XPA: variants seen among roughly 807,000 people sequenced by gnomAD.
XPA encodes the protein DNA repair protein complementing XP-A cells.
Under a neutral mutation model 35.7 loss-of-function variants are expected in XPA, and 27 were observed. That is an observed-to-expected ratio of 0.76 (90% confidence interval 0.56 to 1.04). The LOEUF (loss-of-function observed/expected upper bound fraction) is 1.04, where lower values mean the gene tolerates loss of function less well. Among genes scored for constraint, XPA ranks in the 50% least tolerant of loss-of-function variants. The pLI is 0.00. For missense variants in XPA, 354 were observed against 342.7 expected (o/e 1.03, Z -0.26); for synonymous variants, 133 against 118.4 (o/e 1.12, Z -0.80).
rs777449731 is a variant in XPA at position 97,697,205 on chromosome 9, G to A, written c.88C>T (p.Arg30Trp). Residue 30 changes from arginine to tryptophan, a missense_variant, in exon 1 of 6, where the codon CGG becomes TGG. Transcript: ENST00000375128. Reference sequence around the variant, plus strand: ...AGCATCAGTGCCCGCTGCCGCTTCCGCTCGATACTCGCCCGCACCGAGGCA... The same window carrying A: ...AGCATCAGTGCCCGCTGCCGCTTCCACTCGATACTCGCCCGCACCGAGGCA... ...LPASVRASIE[R>W]KRQRALMLRQ... 11 of 1,600,508 alleles carry A rather than the reference G, an allele frequency of 6.9e-6. No homozygotes were observed. The highest frequency in any genetic ancestry group is 8.5e-6 in the Non-Finnish European group (10 of 1,178,194).
chr9:97,676,373 G>A (rs780964710), intron 5 of XPA, among the ~76,000 whole-genome samples: 8 of 152,154 alleles, frequency 5.3e-5, no homozygotes, highest in Non-Finnish European at 1.2e-4. Flanking sequence ...TTCTTTGAAA[G>A]CAACCAAGTA....
At chr9:97,657,930 T>A in the XPA span, among the ~76,000 whole-genome samples, 1,987 of 123,174 alleles carry the variant, frequency 0.016, 22 homozygotes, top group African/African-American at 0.056. Flanking sequence ...ATATATATTT[T>A]TTTTTTTTTT....
chr9:97,690,107 T>G (rs1410268463), intron 2 of XPA, among the ~76,000 whole-genome samples: 2 of 152,250 alleles, frequency 1.3e-5, no homozygotes, highest in African/African-American at 4.8e-5. Flanking sequence ...CCTTGACTCA[T>G]GACCCCTTCC....
chr9:97,655,124 C>G, the XPA span, among the ~76,000 whole-genome samples: 1 of 152,122 alleles, frequency 6.6e-6, no homozygotes, highest in African/African-American at 2.4e-5. Flanking sequence ...TTTTGATGTC[C>G]ATGCTATGAT....
At chr9:97,659,996 C>A in the XPA span, among the ~76,000 whole-genome samples, 1 of 152,198 alleles carries the variant, frequency 6.6e-6, no homozygotes, top group Admixed American at 6.5e-5. Context: ...TTCCTTTTCT[C>A]CTTCTAGATT....
chr9:97,659,693 GA>G, the XPA span, among the ~76,000 whole-genome samples: 1 of 152,168 alleles, frequency 6.6e-6, no homozygotes, highest in Non-Finnish European at 1.5e-5. Context: ...GCAGTACTTA[GA>G]AGTGCTGGGT....
chr9:97,682,227 GCTT>G (rs768608373), intron 5 of XPA: 6 of 509,936 alleles, frequency 1.2e-5, no homozygotes, highest in Admixed American at 4.0e-5. Context: ...AACTGTGTCA[GCTT>G]CTTTGTGGAT....
chr9:97,675,247 C>A lies in XPA; in HGVS notation c.*192G>T. Reference sequence around the variant, plus strand: ...ACAGACATGACATTGTGCACACAACCAGGCCAGGTGACCTTCACTGAAACT... The same window carrying A: ...ACAGACATGACATTGTGCACACAACAAGGCCAGGTGACCTTCACTGAAACT... On this transcript the variant is annotated 3_prime_UTR_variant, in exon 6 of 6. Transcript: ENST00000375128. The A allele has an allele frequency of 1.4e-6, 1 of 706,710 alleles. No individual in the cohort carries two copies. Among genetic ancestry groups the A allele is most frequent in the Non-Finnish European group, 2.5e-6 (1 of 402,512 alleles). 43.8% of individuals were successfully genotyped at this position (706,710 alleles called of 1,614,324 possible).
the XPA span, chr9:97,662,085 A>G: frequency 3.2e-5 from 52 of 1,613,860 alleles, no homozygotes; most frequent in South Asian, 5.5e-4. Flanking sequence ...AAGTCTTTGT[A>G]CAGACTCTGC....
At chr9:97,660,160 T>C in the XPA span, among the ~76,000 whole-genome samples, 1 of 152,226 alleles carries the variant, frequency 6.6e-6, no homozygotes, top group South Asian at 2.1e-4. Context: ...TTCTTTTTTT[T>C]AGAGAAAAAG....
chr9:97,694,545 C>T (rs868812444), intron 1 of XPA, among the ~76,000 whole-genome samples: 2 of 152,128 alleles, frequency 1.3e-5, no homozygotes, highest in Non-Finnish European at 2.9e-5. Flanking sequence ...TAGGAAAATA[C>T]AAATTAAAAC....
At chr9:97,683,636 T>A (rs1828614295) in intron 5 of XPA, among the ~76,000 whole-genome samples, 1 of 152,106 alleles carries the variant, frequency 6.6e-6, no homozygotes. Context: ...GAGCAAAAAT[T>A]AAAATGTTGC....
downstream of XPA, chr9:97,671,458 T>C: frequency 2.8e-6 from 1 of 352,808 alleles, no homozygotes; most frequent in South Asian, 3.8e-5. Flanking sequence ...CAGTTTGTTA[T>C]TTTTTTTCTC....
chr9:97,694,979 G>A (rs191303724), intron 1 of XPA, among the ~76,000 whole-genome samples: 8 of 152,124 alleles, frequency 5.3e-5, no homozygotes, highest in Admixed American at 3.9e-4. Flanking sequence ...ACTATGTTGC[G>A]CAAAAAAAGC....
chr9:97,697,159 G>T lies in XPA; in HGVS notation c.134C>A (p.Ala45Asp), dbSNP rs1438104861. 2 of 1,572,064 alleles carry T rather than the reference G, an allele frequency of 1.3e-6. No individual in the cohort carries two copies. Among genetic ancestry groups the T allele is most frequent in the East Asian group, 2.3e-5 (1 of 42,944 alleles). Residue 45 changes from alanine to aspartate, a missense_variant, in exon 1 of 6, where the codon GCC becomes GAC. Transcript: ENST00000375128. ...ALMLRQARLA[A>D]RPYSATAAAA... ...AGCCGCCGTCGCCGAGTAGGGCCGG[G>T]CAGCCAGCCGGGCCTGGCGCAGCAT...
chr9:97,656,219 T>C, the XPA span: 1 of 755,202 alleles, frequency 1.3e-6, no homozygotes, highest in Non-Finnish European at 2.1e-6. Flanking sequence ...TAATCAAGAC[T>C]TAGGCTAAGA....
At chr9:97,693,461 T>A (rs1019004275) in intron 2 of XPA, among the ~76,000 whole-genome samples, 188 bp downstream of exon 2, 2 of 152,198 alleles carry the variant, frequency 1.3e-5, no homozygotes, top group Non-Finnish European at 2.9e-5. Flanking sequence ...CATTTCCATA[T>A]GCATGGCTGT....
chr9:97,689,015 A>T (rs886383014), intron 3 of XPA, among the ~76,000 whole-genome samples: 5 of 151,788 alleles, frequency 3.3e-5, no homozygotes, highest in Non-Finnish European at 7.4e-5. Context: ...GGGTGATATA[A>T]AAAAAAAGGA....
rs1587738952 is a variant in XPA at position 97,678,777 on chromosome 9, T to C, written c.674-3190A>G. Among the ~76,000 whole-genome samples, 3 of 152,270 alleles carry C rather than the reference T, an allele frequency of 2.0e-5. No individual in the cohort carries two copies. In the East Asian group the frequency reaches 5.8e-4, roughly 29 times the overall value. Reference sequence around the variant, plus strand: ...ACCACTGAGGGCTGATAGACATCAGTGCCTCCAGATATGAGGCCCGGAGAA... The same window carrying C: ...ACCACTGAGGGCTGATAGACATCAGCGCCTCCAGATATGAGGCCCGGAGAA... On this transcript the variant is annotated intron_variant, in intron 5 of 5. Transcript: ENST00000375128.
Sources: gnomAD v4.1 joint callset for allele counts (sites outside exome capture counted in the v4.1 genomes callset) on GRCh38, gnomAD v4.1.1 for gene constraint, MANE v1.5 for transcripts, NCBI Gene and HGNC (gene_info 2026-07-23, HGNC 2026-07-21) for gene names.